GRIN2A: variants seen among roughly 807,000 people sequenced by gnomAD.
GRIN2A encodes glutamate ionotropic receptor NMDA type subunit 2A.
GRIN2A carries 22 observed loss-of-function variants against 113.4 expected under a neutral mutation model. The observed-to-expected ratio is 0.19, with a 90% CI of 0.14 to 0.28. GRIN2A has a LOEUF of 0.28. Among genes scored for constraint, GRIN2A ranks in the 10% least tolerant of loss-of-function variants. The pLI is 1.00. For synonymous variants in GRIN2A, 827 were observed against 738.4 expected, an observed-to-expected ratio of 1.12 and a Z score of -1.94; for missense variants, 1,502 against 1,887.0, an observed-to-expected ratio of 0.80 and a Z score of 3.78.
At chr16:9,885,901 C>T (rs1456453133) in intron 4 of GRIN2A, among the ~76,000 whole-genome samples, 3 of 152,230 alleles carry the variant, frequency 2.0e-5, no homozygotes, top group African/African-American at 4.8e-5. Context: ...CAGCAATTCC[C>T]AAAGCTGCCT....
Position 9,753,975 on chromosome 16 carries a change from T to G in GRIN2A, c.*9174A>C. ...TGGATAGCTGCTTAATTCAATAACT[T>G]TCTTGCAGGCAATGACCAGCTTGTG... is the stretch of plus-strand genomic sequence containing the variant. On this transcript the variant is annotated 3_prime_UTR_variant, in exon 13 of 13. Coordinates refer to ENST00000330684, the MANE Select transcript of GRIN2A (RefSeq NM_001134407.3). The G allele has an allele frequency of 5.6e-6, 1 of 179,798 alleles. No individual in the cohort carries two copies. The highest frequency in any genetic ancestry group is 1.2e-5 in the Non-Finnish European group (1 of 83,888). 11.1% of individuals were successfully genotyped at this position (179,798 alleles called of 1,614,324 possible).
intron 2 of GRIN2A, among the ~76,000 whole-genome samples, chr16:10,044,022 T>TATATAGAGAGAGAG (rs531659457): frequency 1.9e-4 from 21 of 107,996 alleles, no homozygotes; most frequent in African/African-American, 7.4e-4. Flanking sequence ...TATATATATA[T>TATATAGAGAGAGAG]AGAGAGAGAG....
At chr16:10,080,424 T>C (rs1335339225) in intron 2 of GRIN2A, among the ~76,000 whole-genome samples, 2 of 152,212 alleles carry the variant, frequency 1.3e-5, no homozygotes, top group African/African-American at 2.4e-5. Context: ...CCACTGTCTC[T>C]GCAAACGACA....
chr16:9,778,158 A>G (rs1055096512), intron 11 of GRIN2A, among the ~76,000 whole-genome samples: 1 of 152,246 alleles, frequency 6.6e-6, no homozygotes, highest in Non-Finnish European at 1.5e-5. Context: ...ATTGGACAAT[A>G]AAAGATTGGA....
chr16:10,072,108 A>G (rs1400522279), intron 2 of GRIN2A, among the ~76,000 whole-genome samples: 1 of 152,226 alleles, frequency 6.6e-6, no homozygotes. Flanking sequence ...GGAAACATCC[A>G]TAGCTCCTTC....
Position 9,798,404 on chromosome 16 carries a change from T to G in GRIN2A, c.2229A>C (p.Glu743Asp), listed in dbSNP as rs1266182066. The change falls in exon 11 of 13, where the codon GAA becomes GAC. Residue 743 changes from glutamate to aspartate, a missense_variant. This residue lies in a region of GRIN2A where 101 missense variants were observed against 240.4 expected (regional missense o/e 0.42). Transcript: ENST00000330684. ...TCCCGATGGTCACCAGCTTGCAGCCTTCATCCCTCCCAGCCTTGTAATTCA... is the reference window on the plus strand; with the variant it reads ...TCCCGATGGTCACCAGCTTGCAGCCGTCATCCCTCCCAGCCTTGTAATTCA... ...AVLNYKAGRD[E>D]GCKLVTIGSG... 1.2e-6 allele frequency: 2 copies of G among 1,614,084 alleles called. No homozygotes were observed. Among genetic ancestry groups the G allele is most frequent in the Non-Finnish European group, 1.7e-6 (2 of 1,179,940 alleles).
At chr16:10,037,803 G>A (rs941143313) in intron 2 of GRIN2A, among the ~76,000 whole-genome samples, 2 of 151,970 alleles carry the variant, frequency 1.3e-5, no homozygotes, top group Non-Finnish European at 2.9e-5. Context: ...TTGTATTACA[G>A]TGACAGGGTC....
intron 2 of GRIN2A, among the ~76,000 whole-genome samples, chr16:9,994,634 G>C (rs1171331169): frequency 1.3e-5 from 2 of 152,204 alleles, no homozygotes; most frequent in African/African-American, 4.8e-5. Flanking sequence ...AAATAGAAGA[G>C]AAGACCATGG....
chr16:9,776,564 C>G (rs1341340545), intron 11 of GRIN2A, among the ~76,000 whole-genome samples: 1 of 151,918 alleles, frequency 6.6e-6, no homozygotes, highest in Non-Finnish European at 1.5e-5. Context: ...ATTCTGAAAC[C>G]CAGAAATCAA....
chr16:9,984,941 C>T (rs1004563619), intron 2 of GRIN2A, among the ~76,000 whole-genome samples: 4 of 152,054 alleles, frequency 2.6e-5, no homozygotes, highest in Admixed American at 2.0e-4. Context: ...AACGTATCTG[C>T]GATATGACAC....
intron 2 of GRIN2A, among the ~76,000 whole-genome samples, chr16:10,006,356 G>A (rs1040721774): frequency 1.2e-4 from 19 of 152,300 alleles, no homozygotes; most frequent in African/African-American, 4.1e-4. Context: ...GAAGAGCTGT[G>A]TGCAAGACAA....
At chr16:10,038,116 G>A (rs1279773664) in intron 2 of GRIN2A, among the ~76,000 whole-genome samples, 1 of 152,190 alleles carries the variant, frequency 6.6e-6, no homozygotes, top group Admixed American at 6.5e-5. Context: ...AGGTTGGGAA[G>A]TCCAAGATCA....
At chr16:9,815,627 C>A (rs1432405635) in intron 10 of GRIN2A, among the ~76,000 whole-genome samples, 2 of 152,110 alleles carry the variant, frequency 1.3e-5, no homozygotes, top group African/African-American at 4.8e-5. Flanking sequence ...CAGAAAACAA[C>A]AAGTATTGGC....
chr16:9,833,002 T>C (rs1261195325), intron 8 of GRIN2A, among the ~76,000 whole-genome samples: 2 of 152,214 alleles, frequency 1.3e-5, no homozygotes, highest in Non-Finnish European at 2.9e-5. Context: ...CACATTAAAG[T>C]GCTCTGCTTT....
chr16:9,821,695 GCTAT>G (rs1248754620), intron 10 of GRIN2A, among the ~76,000 whole-genome samples: 2 of 152,168 alleles, frequency 1.3e-5, no homozygotes, highest in African/African-American at 4.8e-5. Context: ...TAACCCCTGT[GCTAT>G]CTTTTCTTTA....
chr16:9,847,699 AAAAAT>A, intron 5 of GRIN2A, among the ~76,000 whole-genome samples: 1 of 148,970 alleles, frequency 6.7e-6, no homozygotes, highest in Non-Finnish European at 1.5e-5. Flanking sequence ...ATTTTTTAAC[AAAAAT>A]ATGTAATGTT....
Position 9,891,038 on chromosome 16 carries a change from A to G in GRIN2A, c.1070T>C (p.Val357Ala). 6.2e-7 allele frequency: 1 copy of G among 1,613,596 alleles called. No individual in the cohort carries two copies. The highest frequency in any genetic ancestry group is 8.5e-7 in the Non-Finnish European group (1 of 1,179,532). The change falls in exon 4 of 13, where the codon GTG becomes GCG. Residue 357 changes from valine to alanine, a missense_variant. Around this residue, in one of 7 missense-constraint regions of GRIN2A, gnomAD observed 334 missense variants for 403.0 expected, o/e 0.83. Coordinates refer to ENST00000330684, the MANE Select transcript of GRIN2A (RefSeq NM_001134407.3). ...CACAATCACCACCAGCCTGGGGTGC[A>G]CCTGGTAGCCTTCCTCAGTGAAGGA... Reference protein sequence around the residue: ...DLSFTEEGYQVHPRLVVIVLN... With the variant: ...DLSFTEEGYQAHPRLVVIVLN...
At chr16:10,100,557 G>T (rs9927871) in intron 2 of GRIN2A, among the ~76,000 whole-genome samples, 61,582 of 151,982 alleles carry the variant, frequency 0.41, 12,629 homozygotes, top group East Asian at 0.46. Flanking sequence ...GAAAGCACCT[G>T]GCACATCCTG....
intron 2 of GRIN2A, among the ~76,000 whole-genome samples, chr16:10,001,342 T>C (rs4107019): frequency 0.094 from 14,235 of 152,226 alleles, 768 homozygotes; most frequent in African/African-American, 0.11. Context: ...AGGATTCACC[T>C]GGTTGCAAGT....
Sources: allele counts gnomAD v4.1 joint callset (sites outside exome capture counted in the v4.1 genomes callset), GRCh38; gene constraint gnomAD v4.1.1; regional missense constraint gnomAD v4.1.1; transcripts MANE v1.5; gene names NCBI Gene and HGNC (gene_info 2026-07-23, HGNC 2026-07-21).